Variants in WNK1 observed in about 807,000 individuals in gnomAD.
The protein encoded by WNK1 is serine/threonine-protein kinase WNK1.
A neutral mutation model predicts 222.8 loss-of-function variants in WNK1; 38 were observed. The observed-to-expected ratio is 0.17, with a 90% CI of 0.13 to 0.22. WNK1 has a LOEUF of 0.22. Among genes scored for constraint, WNK1 ranks in the 10% least tolerant of loss-of-function variants. The probability of loss-of-function intolerance (pLI) is 1.00; values close to 1 mark genes in which losing one functional copy is unlikely to be tolerated. For missense variants in WNK1, 2,348 were observed against 2,918.4 expected (o/e 0.80, Z 4.50); for synonymous variants, 1,090 against 1,092.9 (o/e 1.00, Z 0.05).
chr12:835,328 A>T (rs1949099212), intron 4 of WNK1, among the ~76,000 whole-genome samples: 1 of 152,004 alleles, frequency 6.6e-6, no homozygotes, highest in Admixed American at 6.6e-5. Context: ...ATAGAGTGAA[A>T]GCCTGTCTTA....
intron 1 of WNK1, among the ~76,000 whole-genome samples, chr12:790,609 T>A (rs1944742386): frequency 6.6e-6 from 1 of 152,210 alleles, no homozygotes; most frequent in Non-Finnish European, 1.5e-5. Context: ...GTGGACTTTT[T>A]GAAAAAGAAC....
At position 885,393 on chromosome 12, in the gene WNK1, A is replaced by AT; in HGVS notation, c.4590dup (p.Lys1531Ter). Reference sequence around the variant, plus strand: ...GTGGTAGTTAGCGCACACTCACTAGATAAGACATCTCATAGCAGTACAACT... The same window carrying AT: ...GTGGTAGTTAGCGCACACTCACTAGATTAAGACATCTCATAGCAGTACAACT... On this transcript the variant is annotated frameshift_variant, in exon 19 of 28. Coordinates refer to ENST00000315939, the MANE Select transcript of WNK1 (RefSeq NM_018979.4). LOFTEE classifies it high-confidence loss of function. 1 of 1,613,714 alleles carries AT rather than the reference A, an allele frequency of 6.2e-7. No individual in the cohort carries two copies. The highest frequency in any genetic ancestry group is 8.5e-7 in the Non-Finnish European group (1 of 1,180,022).
In WNK1 at chr12:854,537, C is replaced by T. The variant is rs372058401; in HGVS notation, c.1312-2624C>T. Among the ~76,000 whole-genome samples the T allele has an allele frequency of 7.1e-4, 107 of 151,644 alleles. 2 individuals carry two copies. The highest frequency in any genetic ancestry group is 3.4e-3 in the Middle Eastern group (1 of 294). ...CATGCCCAGCTAATTTTTGTAGAGA[C>T]GGGGTTTCACCATGTTGGCCAGGCT... is the stretch of plus-strand genomic sequence containing the variant. On this transcript the variant is annotated intron_variant, in intron 4 of 27. Transcript: ENST00000315939.
At chr12:845,285 A>G (rs751977528) in intron 4 of WNK1, among the ~76,000 whole-genome samples, 2 of 152,136 alleles carry the variant, frequency 1.3e-5, no homozygotes, top group South Asian at 2.1e-4. Flanking sequence ...CTGCTTAACT[A>G]TTGCATACTT....
chr12:791,341 A>G (rs1944817458), intron 1 of WNK1, among the ~76,000 whole-genome samples: 1 of 152,012 alleles, frequency 6.6e-6, no homozygotes, highest in Admixed American at 6.6e-5. Flanking sequence ...CTATCTGGAA[A>G]TTTTCATGTA....
intron 4 of WNK1, among the ~76,000 whole-genome samples, chr12:843,728 CAT>C (rs1256169638): frequency 6.6e-6 from 1 of 152,166 alleles, no homozygotes; most frequent in African/African-American, 2.4e-5. Flanking sequence ...GCAAACCAAC[CAT>C]GCAAAGTGCA....
chr12:789,147 T>A (rs1944604100), intron 1 of WNK1, among the ~76,000 whole-genome samples: 1 of 151,806 alleles, frequency 6.6e-6, no homozygotes, highest in African/African-American at 2.4e-5. Context: ...AGTGGAGAGG[T>A]AAGATTCTTA....
intron 25 of WNK1, 134 bp downstream of exon 25, chr12:897,815 C>G (rs1954880113): frequency 3.4e-6 from 3 of 872,154 alleles, no homozygotes; most frequent in Admixed American, 4.2e-5. Context: ...ATTTTTGCTT[C>G]CTTGACTGCT....
rs1045368867 is a variant in WNK1, at chr12:771,080, C to G, written c.759+16756C>G. Among the ~76,000 whole-genome samples the G allele has an allele frequency of 2.0e-5, 3 of 152,244 alleles. No homozygotes were observed. In the East Asian group the frequency reaches 5.8e-4, roughly 29 times the overall value. ...TGGTGTGATCTCAGCTCACTGCAAC[C>G]TCTGCCTCCTGGGTTCAAGCGACTC... On this transcript the variant is annotated intron_variant, in intron 1 of 27. Coordinates refer to ENST00000315939, the MANE Select transcript of WNK1 (RefSeq NM_018979.4).
At chr12:876,408 C>CA (rs1042400545) in intron 9 of WNK1, among the ~76,000 whole-genome samples, 50 of 149,032 alleles carry the variant, frequency 3.4e-4, no homozygotes, top group East Asian at 1.4e-3. Context: ...GACTCCGTGT[C>CA]AAAAAAAAAG....
At chr12:814,469 C>T (rs1947175954) in intron 2 of WNK1, among the ~76,000 whole-genome samples, 1 of 152,138 alleles carries the variant, frequency 6.6e-6, no homozygotes, top group Non-Finnish European at 1.5e-5. Flanking sequence ...ACTTTTATAT[C>T]AGATGCAGAT....
intron 4 of WNK1, among the ~76,000 whole-genome samples, chr12:838,692 A>G (rs1052581000): frequency 2.6e-5 from 4 of 152,158 alleles, no homozygotes; most frequent in Non-Finnish European, 5.9e-5. Context: ...CTGGGATTAC[A>G]GGTGTGAGCC....
chr12:808,799 T>A (rs1946629432), intron 1 of WNK1, among the ~76,000 whole-genome samples: 1 of 150,774 alleles, frequency 6.6e-6, no homozygotes, highest in Non-Finnish European at 1.5e-5. Flanking sequence ...GTTCCACTCT[T>A]GTTGCCTAGG....
intron 1 of WNK1, among the ~76,000 whole-genome samples, chr12:778,364 A>C (rs1255053952): frequency 6.6e-6 from 1 of 151,154 alleles, no homozygotes; most frequent in African/African-American, 2.4e-5. Flanking sequence ...ACGGAGTCTC[A>C]CCCTGTCACC....
At chr12:771,211 A>C (rs1209555029) in intron 1 of WNK1, among the ~76,000 whole-genome samples, 1 of 151,334 alleles carries the variant, frequency 6.6e-6, no homozygotes, top group East Asian at 2.0e-4. Flanking sequence ...GTTAGCCAGG[A>C]TGGTCTCCAT....
At chr12:804,774 A>G (rs1459858709) in intron 1 of WNK1, among the ~76,000 whole-genome samples, 1 of 151,910 alleles carries the variant, frequency 6.6e-6, no homozygotes, top group Non-Finnish European at 1.5e-5. Context: ...GAATTTGCAT[A>G]TGCTAGATGT....
chr12:762,003 G>A (rs1265886328), intron 1 of WNK1, among the ~76,000 whole-genome samples: 3 of 146,570 alleles, frequency 2.0e-5, no homozygotes, highest in African/African-American at 4.9e-5. Flanking sequence ...AAATAAAATG[G>A]TGTATTTTCA....
chr12:895,760 T>C (rs768724070), intron 23 of WNK1, among the ~76,000 whole-genome samples: 46 of 152,220 alleles, frequency 3.0e-4, no homozygotes, highest in Non-Finnish European at 5.9e-4. Context: ...TGCCTGGCCC[T>C]GACCTTTTGT....
chr12:886,879 G>A (rs542124354), intron 19 of WNK1, among the ~76,000 whole-genome samples: 5 of 152,224 alleles, frequency 3.3e-5, no homozygotes, highest in East Asian at 1.9e-4. Context: ...TTTACATGGC[G>A]AAAGTCTGAT....
Sources: allele counts gnomAD v4.1 joint callset (sites outside exome capture counted in the v4.1 genomes callset), GRCh38; gene constraint gnomAD v4.1.1; transcripts MANE v1.5; gene names NCBI Gene and HGNC (gene_info 2026-07-23, HGNC 2026-07-21).